Variants in WDR7 observed in about 807,000 individuals in gnomAD.
WDR7 encodes WD repeat-containing protein 7.
WDR7 carries 46 observed loss-of-function variants against 169.4 expected under a neutral mutation model. That is an observed-to-expected ratio of 0.27 (90% confidence interval 0.21 to 0.35). The LOEUF is 0.35. WDR7 is among the 10% of genes least tolerant of loss of function. WDR7 has a pLI of 1.00. For synonymous variants in WDR7, 612 were observed against 666.8 expected (o/e 0.92, Z 1.27); for missense variants, 1,534 against 1,859.3 (o/e 0.83, Z 3.22).
At chr18:56,979,021 A>C (rs892436377) in intron 26 of WDR7, among the ~76,000 whole-genome samples, 3 of 152,204 alleles carry the variant, frequency 2.0e-5, no homozygotes, top group African/African-American at 7.2e-5. Context: ...CTGAAATGGA[A>C]CTTTAAGATG....
At chr18:56,828,329 C>T (rs1008097677) in intron 20 of WDR7, among the ~76,000 whole-genome samples, 1 of 152,064 alleles carries the variant, frequency 6.6e-6, no homozygotes, top group Admixed American at 6.6e-5. Flanking sequence ...TTTGACGAAA[C>T]AGACATAACT....
At chr18:56,950,267 G>T (rs925323557) in intron 25 of WDR7, among the ~76,000 whole-genome samples, 1 of 152,132 alleles carries the variant, frequency 6.6e-6, no homozygotes, top group Non-Finnish European at 1.5e-5. Flanking sequence ...TTTCATCATG[G>T]ATATTCTGAA....
rs567659365 is a variant in WDR7, at chr18:56,682,532, G to A, written c.346-147G>A. 7.5e-6 allele frequency: 6 copies of A among 800,948 alleles called. No individual in the cohort carries two copies. In the Admixed American group the frequency reaches 1.2e-4, roughly 15 times the overall value. The allele number at this position is 800,948 out of a possible 1,614,324, so 49.6% of individuals were successfully genotyped here. A position where few individuals can be genotyped will look rare whatever the true frequency, so the allele number is the denominator to read the frequency against. ...GTGTGCACATACACCCATATAATAT[G>A]TACCATTTGGTAAATATCTAAAATT... On this transcript the variant is annotated intron_variant, in intron 4 of 27. Coordinates refer to ENST00000254442, the MANE Select transcript of WDR7 (RefSeq NM_015285.3).
chr18:56,989,455 CTGTTCA>C (rs2047778300), intron 26 of WDR7, among the ~76,000 whole-genome samples: 1 of 152,062 alleles, frequency 6.6e-6, no homozygotes, highest in African/African-American at 2.4e-5. Flanking sequence ...CTGGAAGAGT[CTGTTCA>C]TTTTATAGAG....
intron 21 of WDR7, among the ~76,000 whole-genome samples, chr18:56,914,887 GAC>G (rs1055401459): frequency 2.6e-5 from 4 of 152,114 alleles, no homozygotes; most frequent in African/African-American, 9.7e-5. Flanking sequence ...TTCCCTACAT[GAC>G]ACAACTTAAT....
intron 21 of WDR7, among the ~76,000 whole-genome samples, chr18:56,921,515 A>G (rs1032908251): frequency 8.5e-5 from 13 of 152,150 alleles, no homozygotes; most frequent in African/African-American, 3.1e-4. Context: ...GAAATAGAAC[A>G]TGATTTAAGA....
At chr18:56,810,213 A>G (rs1052470167) in intron 19 of WDR7, among the ~76,000 whole-genome samples, 2 of 152,184 alleles carry the variant, frequency 1.3e-5, no homozygotes, top group African/African-American at 4.8e-5. Context: ...AGTTAAAAGC[A>G]CCTATCAGAT....
intron 25 of WDR7, among the ~76,000 whole-genome samples, chr18:56,954,894 C>T (rs1427030084): frequency 6.6e-6 from 1 of 152,098 alleles, no homozygotes; most frequent in Non-Finnish European, 1.5e-5. Flanking sequence ...TCAGAGATAG[C>T]TTACCTTTTC....
intron 25 of WDR7, among the ~76,000 whole-genome samples, chr18:56,943,476 C>G (rs979234983): frequency 1.3e-5 from 2 of 151,872 alleles, no homozygotes; most frequent in Non-Finnish European, 2.9e-5. Flanking sequence ...TGGTGTGAAA[C>G]TTCATTAGTG....
In WDR7 at chr18:56,987,248, A is replaced by G. The variant is rs79643308; in HGVS notation, c.4164+24719A>G. ...GGATTCCTCTAACTGAGACATAATC[A>G]TCAGGTATTGCAAAGGTTAAGCCTT... is the stretch of plus-strand genomic sequence containing the variant. On this transcript the variant is annotated intron_variant, in intron 26 of 27. Transcript: ENST00000254442. Among the ~76,000 whole-genome samples, 986 of 148,962 alleles carry G rather than the reference A, an allele frequency of 6.6e-3. 18 individuals are homozygous for G. Among genetic ancestry groups the G allele is most frequent in the African/African-American group, 0.023 (918 of 40,446 alleles).
intron 2 of WDR7, among the ~76,000 whole-genome samples, chr18:56,676,894 A>G (rs2025256283): frequency 6.6e-6 from 1 of 152,122 alleles, no homozygotes; most frequent in South Asian, 2.1e-4. Context: ...AATTACAGGC[A>G]TGAGCCAGGG....
chr18:56,840,906 A>T (rs1302923949), intron 20 of WDR7, among the ~76,000 whole-genome samples: 6 of 152,064 alleles, frequency 3.9e-5, no homozygotes, highest in Non-Finnish European at 8.8e-5. Flanking sequence ...AAAATGGAAA[A>T]GGGCTGGGCA....
chr18:56,817,285 A>G (rs530897109), intron 20 of WDR7, among the ~76,000 whole-genome samples: 158 of 151,294 alleles, frequency 1.0e-3, no homozygotes, highest in Non-Finnish European at 1.0e-3. Flanking sequence ...TGGAGGTTGC[A>G]GTGAGCCGAG....
chr18:56,995,094 A>G (rs74826332), intron 26 of WDR7, among the ~76,000 whole-genome samples: 6,504 of 152,294 alleles, frequency 0.043, 236 homozygotes, highest in East Asian at 0.11. Flanking sequence ...TCAGACTTCT[A>G]TATTTTCTGA....
At chr18:56,741,010 A>G (rs893647451) in intron 14 of WDR7, among the ~76,000 whole-genome samples, 6 of 152,184 alleles carry the variant, frequency 3.9e-5, no homozygotes, top group Non-Finnish European at 8.8e-5. Flanking sequence ...AAGGTACTTT[A>G]AAGCCAACAT....
intron 26 of WDR7, 74 bp downstream of exon 26, chr18:56,962,603 C>A: frequency 6.7e-6 from 9 of 1,342,544 alleles, no homozygotes; most frequent in African/African-American, 2.9e-5. Context: ...TAGCACTTCA[C>A]CAGTTGACGT....
At chr18:56,802,509 C>T (rs1204103860) in intron 19 of WDR7, among the ~76,000 whole-genome samples, 1 of 145,432 alleles carries the variant, frequency 6.9e-6, no homozygotes, top group African/African-American at 2.6e-5. Flanking sequence ...AGGCACCCGC[C>T]GCCACACCGG....
chr18:56,724,805 C>CCCA (rs892946201), intron 13 of WDR7, among the ~76,000 whole-genome samples: 9 of 152,176 alleles, frequency 5.9e-5, no homozygotes, highest in African/African-American at 2.2e-4. Context: ...CCCCCGCTCT[C>CCCA]CCACCACCCC....
intron 14 of WDR7, among the ~76,000 whole-genome samples, chr18:56,756,360 C>G (rs920958880): frequency 6.6e-6 from 1 of 152,064 alleles, no homozygotes; most frequent in Non-Finnish European, 1.5e-5. Flanking sequence ...AACTAATTGG[C>G]AATTTTGTGA....
Sources: allele counts gnomAD v4.1 joint callset (sites outside exome capture counted in the v4.1 genomes callset), GRCh38; gene constraint gnomAD v4.1.1; transcripts MANE v1.5; gene names NCBI Gene and HGNC (gene_info 2026-07-23, HGNC 2026-07-21).